RNF19A: variants seen among roughly 807,000 people sequenced by gnomAD.
The protein encoded by RNF19A is ring finger protein 19A, RBR E3 ubiquitin protein ligase.
RNF19A carries 32 observed loss-of-function variants against 75.7 expected under a neutral mutation model. That is an observed-to-expected ratio of 0.42 (90% confidence interval 0.32 to 0.57). The LOEUF (loss-of-function observed/expected upper bound fraction) is 0.57, where lower values mean the gene tolerates loss of function less well. RNF19A is among the 20% of genes least tolerant of loss of function. RNF19A has a pLI of 0.10. For synonymous variants in RNF19A, 335 were observed against 345.2 expected, an observed-to-expected ratio of 0.97 and a Z score of 0.33; for missense variants, 782 against 1,036.3, an observed-to-expected ratio of 0.75 and a Z score of 3.37.
chr8:100,275,054 T>C lies in RNF19A; in HGVS notation c.782A>G (p.Asn261Ser), dbSNP rs748907282. ...TTGTCGAGCAGCATCACAGGTCTGG[T>C]TGGGGTGCCAAATCTGTTTACAGTG... ...CYHCKQIWHP[N>S]QTCDAARQER... Residue 261 changes from asparagine to serine, a missense_variant, in exon 3 of 10, where the codon AAC becomes AGC. Physicochemically the swap from Asn to Ser is conservative, Grantham distance 46. Coordinates refer to ENST00000341084, the MANE Select transcript of RNF19A (RefSeq NM_183419.4). The surrounding 1 kb of genome is among the most constrained non-coding windows in gnomAD (Gnocchi z 4.3). 6.2e-7 allele frequency: 1 copy of C among 1,614,096 alleles called. No homozygotes were observed. Among genetic ancestry groups the C allele is most frequent in the Non-Finnish European group, 8.5e-7 (1 of 1,180,010 alleles).
Position 100,257,670 on chromosome 8 carries a change from TC to T in RNF19A, c.*885del. On this transcript the variant is annotated 3_prime_UTR_variant, in exon 10 of 10. Transcript: ENST00000341084. Reference sequence around the variant, plus strand: ...CTATTTCCTGTATTTTTATATATAATCCAAGGTGACCAGAGAAGACATGGAA... The same window carrying T: ...CTATTTCCTGTATTTTTATATATAATCAAGGTGACCAGAGAAGACATGGAA... The T allele has an allele frequency of 4.5e-6, 1 of 221,168 alleles. No homozygotes were observed. The highest frequency in any genetic ancestry group is 8.8e-6 in the Non-Finnish European group (1 of 114,030). The allele number at this position is 221,168 out of a possible 1,614,324, so 13.7% of individuals were successfully genotyped here. A position where few individuals can be genotyped will look rare whatever the true frequency, so the allele number is the denominator to read the frequency against.
chr8:100,323,936 A>G lies in RNF19A; in HGVS notation c.-242-10564T>C, dbSNP rs1822495308. ...AAATGGTTGGATAACTCAGCAAGGG[A>G]GAAAAATTTATCTGAGGTCTCGGGG... On this transcript the variant is annotated intron_variant, in intron 1 of 3. Transcript: ENST00000519527. The surrounding 1 kb of genome is among the most constrained non-coding windows in gnomAD (Gnocchi z 4.6). Among the ~76,000 whole-genome samples the G allele has an allele frequency of 1.3e-5, 2 of 152,212 alleles. 1 individual carries two copies. Among genetic ancestry groups the G allele is most frequent in the Admixed American group, 1.3e-4 (2 of 15,282 alleles).
chr8:100,311,978 C>A (rs935156420), upstream of RNF19A, among the ~76,000 whole-genome samples: 9 of 152,078 alleles, frequency 5.9e-5, no homozygotes, highest in Non-Finnish European at 1.3e-4. Context: ...TTGAACATCC[C>A]CAACTTGAAT....
intron 3 of RNF19A, among the ~76,000 whole-genome samples, chr8:100,271,457 T>G (rs1433092571): frequency 1.3e-5 from 2 of 152,210 alleles, no homozygotes; most frequent in Non-Finnish European, 2.9e-5. Flanking sequence ...AGCAGCATGT[T>G]AATCGATAAA....
In RNF19A at chr8:100,268,699, A is replaced by C. The variant is rs1820108317; in HGVS notation, c.1191+86T>G. 4 of 849,100 alleles carry C rather than the reference A, an allele frequency of 4.7e-6. 1 individual carries two copies. Among genetic ancestry groups the C allele is most frequent in the African/African-American group, 1.8e-5 (1 of 57,030 alleles). 52.6% of individuals were successfully genotyped at this position (849,100 alleles called of 1,614,324 possible). A position where few individuals can be genotyped will look rare whatever the true frequency, so the allele number is the denominator to read the frequency against. ...CCCTTTGTCTAAAAAAAAAAAAAAA[A>C]AAAAACCCAAAAATCATCAATACTA... is the stretch of plus-strand genomic sequence containing the variant. On this transcript the variant is annotated intron_variant, in intron 5 of 9. Coordinates refer to ENST00000341084, the MANE Select transcript of RNF19A (RefSeq NM_183419.4).
chr8:100,287,455 C>T lies in RNF19A; in HGVS notation c.674+46G>A. Reference sequence around the variant, plus strand: ...GAGTAATAGCAAATTATTTTATCCACAGAGAAAAAAATTAACTCAAGAAAA... The same window carrying T: ...GAGTAATAGCAAATTATTTTATCCATAGAGAAAAAAATTAACTCAAGAAAA... On this transcript the variant is annotated intron_variant, in intron 2 of 9. Transcript: ENST00000341084. The surrounding 1 kb of genome is among the most constrained non-coding windows in gnomAD (Gnocchi z 4.1). The T allele has an allele frequency of 1.3e-6, 2 of 1,528,132 alleles. No homozygotes were observed. The highest frequency in any genetic ancestry group is 1.3e-5 in the South Asian group (1 of 76,750). The allele number at this position is 1,528,132 out of a possible 1,614,324, so 94.7% of individuals were successfully genotyped here.
In RNF19A at chr8:100,261,418, T is replaced by A; in HGVS notation, c.1682+124A>T. On this transcript the variant is annotated intron_variant, in intron 8 of 9. Transcript: ENST00000341084. This position sits in a 1 kb window ranked among gnomAD's most constrained non-coding sequence, Gnocchi z 4.4. Reference sequence around the variant, plus strand: ...TGGCCCCAAATTTCATTTTTAACATTACTATTTTGAACCTTGACATAGTAG... The same window carrying A: ...TGGCCCCAAATTTCATTTTTAACATAACTATTTTGAACCTTGACATAGTAG... 1.2e-6 allele frequency: 1 copy of A among 862,850 alleles called. No individual in the cohort carries two copies. Among genetic ancestry groups the A allele is most frequent in the South Asian group, 1.7e-5 (1 of 59,594 alleles). 53.4% of individuals were successfully genotyped at this position (862,850 alleles called of 1,614,324 possible).
intron 1 of RNF19A, among the ~76,000 whole-genome samples, chr8:100,305,687 T>C (rs1563867079): frequency 1.3e-5 from 2 of 152,226 alleles, no homozygotes; most frequent in Non-Finnish European, 2.9e-5. Flanking sequence ...TTATTCGACA[T>C]CTTTTATTGT....
chr8:100,296,653 A>G (rs1821578830), intron 1 of RNF19A, among the ~76,000 whole-genome samples: 1 of 152,250 alleles, frequency 6.6e-6, no homozygotes, highest in Non-Finnish European at 1.5e-5. Context: ...AGGAGTCTAA[A>G]GTACAATGAA....
intron 1 of RNF19A, among the ~76,000 whole-genome samples, chr8:100,301,218 C>A (rs1397757084): frequency 2.0e-5 from 3 of 152,150 alleles, no homozygotes; most frequent in African/African-American, 7.2e-5. Context: ...TTTCCTTCAC[C>A]ACAGAAAGTT....
upstream of RNF19A, chr8:100,336,194 T>C (rs1822680485): frequency 6.6e-6 from 1 of 152,130 alleles, no homozygotes; most frequent in Non-Finnish European, 1.5e-5. Flanking sequence ...GCAGTGCCAA[T>C]GAGAGAAGAG....
chr8:100,296,951 G>A (rs981628083), intron 1 of RNF19A, among the ~76,000 whole-genome samples: 1 of 152,080 alleles, frequency 6.6e-6, no homozygotes. Context: ...ATAGATGGCC[G>A]GCCCACAGTA....
Position 100,323,892 on chromosome 8 carries a change from C to A in RNF19A, c.-242-10520G>T, listed in dbSNP as rs1822494889. On this transcript the variant is annotated intron_variant, in intron 1 of 3. Coordinates refer to the RNF19A transcript ENST00000519527. The surrounding 1 kb of genome is among the most constrained non-coding windows in gnomAD (Gnocchi z 4.6). Reference sequence around the variant, plus strand: ...CCAAACCAACATTCCTGTCAACGATCAAAGAAAGTAAGATTTTTAAATGGT... The same window carrying A: ...CCAAACCAACATTCCTGTCAACGATAAAAGAAAGTAAGATTTTTAAATGGT... 1.3e-5 allele frequency among the ~76,000 whole-genome samples: 2 copies of A among 151,936 alleles called. No individual in the cohort carries two copies. The highest frequency in any genetic ancestry group is 1.3e-4 in the Admixed American group (2 of 15,262).
intron 2 of RNF19A, among the ~76,000 whole-genome samples, chr8:100,278,271 C>G (rs1212559260): frequency 3.3e-5 from 5 of 152,190 alleles, no homozygotes; most frequent in Non-Finnish European, 7.3e-5. Context: ...GACTAATGAC[C>G]ATTTGATCAT....
chr8:100,261,484 C>A lies in RNF19A; in HGVS notation c.1682+58G>T, dbSNP rs887945734. 4 of 1,363,248 alleles carry A rather than the reference C, an allele frequency of 2.9e-6. No homozygotes were observed. Among genetic ancestry groups the A allele is most frequent in the Middle Eastern group, 2.3e-4 (1 of 4,420 alleles). The allele number at this position is 1,363,248 out of a possible 1,614,324, so 84.4% of individuals were successfully genotyped here. ...TCATGCTTTATGTTCAAAATTCTCA[C>A]CTAATTAATAATTTGTAGTTACCAG... On this transcript the variant is annotated intron_variant, in intron 8 of 9. Transcript: ENST00000341084. The surrounding 1 kb of genome is among the most constrained non-coding windows in gnomAD (Gnocchi z 4.4).
chr8:100,263,442 A>AAATC (rs756470350), intron 7 of RNF19A, among the ~76,000 whole-genome samples: 2 of 152,242 alleles, frequency 1.3e-5, no homozygotes, highest in Non-Finnish European at 1.5e-5. Context: ...GTAGGGACAA[A>AAATC]AATCTGATTG....
intron 2 of RNF19A, among the ~76,000 whole-genome samples, chr8:100,285,422 T>C (rs548148578): frequency 6.6e-6 from 1 of 152,178 alleles, no homozygotes; most frequent in Non-Finnish European, 1.5e-5. Flanking sequence ...CAAGTTCTTA[T>C]ACAAATTATA....
intron 1 of RNF19A, among the ~76,000 whole-genome samples, chr8:100,316,930 GCT>G: frequency 6.6e-6 from 1 of 152,368 alleles, no homozygotes; most frequent in Middle Eastern, 3.4e-3. Flanking sequence ...CGGGAAGGCA[GCT>G]AAGGGTCGGT....
At chr8:100,265,124 G>A (rs971954601) in intron 5 of RNF19A, among the ~76,000 whole-genome samples, 1 of 152,140 alleles carries the variant, frequency 6.6e-6, no homozygotes, top group African/African-American at 2.4e-5. Context: ...ACAGTTATGA[G>A]TTACATGGTT....
Sources: allele counts gnomAD v4.1 joint callset (sites outside exome capture counted in the v4.1 genomes callset), GRCh38; gene constraint gnomAD v4.1.1; non-coding constraint Gnocchi (gnomAD v3.1); transcripts MANE v1.5; gene names NCBI Gene and HGNC (gene_info 2026-07-23, HGNC 2026-07-21).